GPR26: variants seen among roughly 807,000 people sequenced by gnomAD.
GPR26 encodes G protein-coupled receptor 26.
GPR26 carries 15 observed loss-of-function variants against 23.1 expected under a neutral mutation model. The ratio of observed to expected loss-of-function variants is 0.65; its 90% CI spans 0.43 to 1.00. GPR26 has a LOEUF of 1.00. GPR26 is among the 50% of genes least tolerant of loss of function. GPR26 has a pLI of 0.00. For missense variants in GPR26, 359 were observed against 470.5 expected, an observed-to-expected ratio of 0.76 and a Z score of 2.19; for synonymous variants, 228 against 222.1, an observed-to-expected ratio of 1.03 and a Z score of -0.24.
intron 1 of GPR26, among the ~76,000 whole-genome samples, chr10:123,667,579 G>A (rs1254200369): frequency 6.6e-6 from 1 of 150,402 alleles, no homozygotes; most frequent in Admixed American, 6.6e-5. Context: ...GTGTGTGTGT[G>A]TGTGTGTGTG....
intron 1 of GPR26, among the ~76,000 whole-genome samples, chr10:123,673,870 C>T (rs1271438718): frequency 3.3e-5 from 5 of 152,220 alleles, no homozygotes; most frequent in African/African-American, 9.6e-5. Flanking sequence ...ATCACTTGGC[C>T]TCACAGAGCT....
Position 123,688,128 on chromosome 10 carries a change from C to A in GPR26, c.982C>A (p.His328Asn), listed in dbSNP as rs978265298. The A allele has an allele frequency of 6.2e-7, 1 of 1,612,866 alleles. No individual in the cohort carries two copies. Among genetic ancestry groups the A allele is most frequent in the Non-Finnish European group, 8.5e-7 (1 of 1,179,534 alleles). Residue 328 changes from histidine to asparagine, a missense_variant, in exon 3 of 3, where the codon CAC becomes AAC. Coordinates refer to ENST00000284674, the MANE Select transcript of GPR26 (RefSeq NM_153442.4). ...IHSSGLTGDS[H>N]SQNILPVSE is the part of the protein sequence containing the mutation. ...CTCCTCTGGCCTCACAGGCGACTCTCACAGCCAGAACATTCTGCCGGTGTC... is the reference window on the plus strand; with the variant it reads ...CTCCTCTGGCCTCACAGGCGACTCTAACAGCCAGAACATTCTGCCGGTGTC...
rs113872065 is a variant in GPR26, at chr10:123,679,862, C to T, written c.782+4931C>T. Among the ~76,000 whole-genome samples, 1,002 of 152,262 alleles carry T rather than the reference C, an allele frequency of 6.6e-3. 13 individuals are homozygous for T. Among genetic ancestry groups the T allele is most frequent in the African/African-American group, 0.023 (967 of 41,554 alleles). ...CTACCCACTCCCAAGGCAGATCTCC[C>T]GAGGCTTGCTGAGCGAGTCATACTC... On this transcript the variant is annotated intron_variant, in intron 2 of 2. Coordinates refer to ENST00000284674, the MANE Select transcript of GPR26 (RefSeq NM_153442.4).
At chr10:123,685,263 C>T (rs1306290532) in intron 2 of GPR26, among the ~76,000 whole-genome samples, 1 of 152,182 alleles carries the variant, frequency 6.6e-6, no homozygotes. Context: ...TCTAAAAGGT[C>T]ATCTGGAAGG....
At position 123,666,609 on chromosome 10, in the gene GPR26, G is replaced by A. The variant is rs750100701; in HGVS notation, c.202G>A (p.Val68Met). Residue 68 changes from valine (V) to methionine (M), a missense_variant, in exon 1 of 3, where the codon GTG becomes ATG. Coordinates refer to ENST00000284674, the MANE Select transcript of GPR26 (RefSeq NM_153442.4). ...VNMPLTLAGV[V>M]AQRQPAGDRL... ...CATGCCGCTCACGCTGGCCGGCGTC[G>A]TGGCGCAGCGGCAGCCGGCGGGCGA... The A allele has an allele frequency of 6.3e-7, 1 of 1,590,928 alleles. No individual in the cohort carries two copies. The highest frequency in any genetic ancestry group is 8.5e-7 in the Non-Finnish European group (1 of 1,171,606).
In GPR26 at chr10:123,694,460, G is replaced by T. The variant is rs953896040; in HGVS notation, c.*6300G>T. ...CTTGAGGTTGGGAATATAAGAATTA[G>T]GTCTCTTTTAGAAAGAGAGGACATG... is the stretch of plus-strand genomic sequence containing the variant. On this transcript the variant is annotated 3_prime_UTR_variant, in exon 3 of 3. Coordinates refer to ENST00000284674, the MANE Select transcript of GPR26 (RefSeq NM_153442.4). 6.6e-6 allele frequency: 1 copy of T among 152,104 alleles called. No homozygotes were observed. 9.4% of individuals were successfully genotyped at this position (152,104 alleles called of 1,614,324 possible).
Position 123,690,439 on chromosome 10 carries a change from T to C in GPR26, c.*2279T>C, listed in dbSNP as rs1845479916. Reference sequence around the variant, plus strand: ...TGCTCTTTCTGCTTTCTCTGTACTGTATAGGCAACATGTTGTACTCCCAGT... The same window carrying C: ...TGCTCTTTCTGCTTTCTCTGTACTGCATAGGCAACATGTTGTACTCCCAGT... On this transcript the variant is annotated 3_prime_UTR_variant, in exon 3 of 3. Coordinates refer to ENST00000284674, the MANE Select transcript of GPR26 (RefSeq NM_153442.4). 6.6e-6 allele frequency: 1 copy of C among 152,230 alleles called. No individual in the cohort carries two copies. The highest frequency in any genetic ancestry group is 6.5e-5 in the Admixed American group (1 of 15,286). 9.4% of individuals were successfully genotyped at this position (152,230 alleles called of 1,614,324 possible).
intron 2 of GPR26, among the ~76,000 whole-genome samples, chr10:123,680,808 TTG>T (rs368049629): frequency 0.34 from 21,379 of 62,542 alleles, 2,887 homozygotes; most frequent in East Asian, 0.71. Flanking sequence ...TGGGTTTTTT[TTG>T]TTTTGTTTTG....
chr10:123,674,544 CA>C lies in GPR26; in HGVS notation c.669-270del. The stretch of plus-strand genomic sequence containing the variant: ...CTCTGTGCTTTATGCATTTAATTCT[CA>C]AAACAGCCTCTTGTAGCATTTTATT... On this transcript the variant is annotated intron_variant, in intron 1 of 2. Coordinates refer to ENST00000284674, the MANE Select transcript of GPR26 (RefSeq NM_153442.4). This position sits in a 1 kb window ranked among gnomAD's most constrained non-coding sequence, Gnocchi z 4.1. Among the ~76,000 whole-genome samples, 1 of 152,228 alleles carries C rather than the reference CA, an allele frequency of 6.6e-6. No individual in the cohort carries two copies. The highest frequency in any genetic ancestry group is 1.5e-5 in the Non-Finnish European group (1 of 68,050).
At position 123,680,815 on chromosome 10, in the gene GPR26, G is replaced by GT. The variant is rs1564732102; in HGVS notation, c.782+5888dup. Among the ~76,000 whole-genome samples the GT allele has an allele frequency of 4.1e-4, 17 of 41,064 alleles. 1 individual carries two copies. Among genetic ancestry groups the GT allele is most frequent in the African/African-American group, 1.4e-3 (12 of 8,668 alleles). The allele number at this position is 41,064 out of a possible 152,430, so 26.9% of individuals were successfully genotyped here. A position where few individuals can be genotyped will look rare whatever the true frequency, so the allele number is the denominator to read the frequency against. ...CATTCTCTTGGGTTTTTTTTGTTTT[G>GT]TTTTGTTTTTTTGGGGGGGGGGGTT... On this transcript the variant is annotated intron_variant, in intron 2 of 2. Coordinates refer to ENST00000284674, the MANE Select transcript of GPR26 (RefSeq NM_153442.4).
chr10:123,671,235 G>A (rs981472869), intron 1 of GPR26, among the ~76,000 whole-genome samples: 4 of 152,168 alleles, frequency 2.6e-5, no homozygotes, highest in African/African-American at 4.8e-5. Flanking sequence ...AGATCACCTC[G>A]TTGATTGACT....
Position 123,688,166 on chromosome 10 carries a change from C to A in GPR26, c.*6C>A. ...TTCTGCCGGTGTCTGAGTGAAGGAC[C>A]GCGCTCCTGCTGAAGAGTTTAGAAT... On this transcript the variant is annotated 3_prime_UTR_variant, in exon 3 of 3. Coordinates refer to ENST00000284674, the MANE Select transcript of GPR26 (RefSeq NM_153442.4). 1 of 1,521,050 alleles carries A rather than the reference C, an allele frequency of 6.6e-7. No individual in the cohort carries two copies. The highest frequency in any genetic ancestry group is 9.0e-7 in the Non-Finnish European group (1 of 1,112,630). The allele number at this position is 1,521,050 out of a possible 1,614,324, so 94.2% of individuals were successfully genotyped here. A position where few individuals can be genotyped will look rare whatever the true frequency, so the allele number is the denominator to read the frequency against.
At position 123,688,626 on chromosome 10, in the gene GPR26, CAT is replaced by C; in HGVS notation, c.*467_*468del. On this transcript the variant is annotated 3_prime_UTR_variant, in exon 3 of 3. Transcript: ENST00000284674. ...CAGTGGTCATTTGGCCCGGATCTAA[CAT>C]GGCACCTCGTCTCCACAGGGTAGTG... 1 of 186,230 alleles carries C rather than the reference CAT, an allele frequency of 5.4e-6. No homozygotes were observed. Among genetic ancestry groups the C allele is most frequent in the South Asian group, 1.2e-4 (1 of 8,270 alleles). 11.5% of individuals were successfully genotyped at this position (186,230 alleles called of 1,614,324 possible).
intron 1 of GPR26, among the ~76,000 whole-genome samples, chr10:123,670,644 T>A (rs998439512): frequency 6.6e-6 from 1 of 152,122 alleles, no homozygotes; most frequent in Non-Finnish European, 1.5e-5. Context: ...CCACCCCAGC[T>A]CTAACCAGCA....
chr10:123,675,101 T>C (rs1845290186), intron 2 of GPR26, among the ~76,000 whole-genome samples, 170 bp downstream of exon 2: 1 of 152,112 alleles, frequency 6.6e-6, no homozygotes, highest in Non-Finnish European at 1.5e-5. Flanking sequence ...GCTTTTCCTC[T>C]CCACCCTCGA....
chr10:123,688,468 C>G lies in GPR26; in HGVS notation c.*308C>G, dbSNP rs1845455195. ...GGATGACACTCAGTTCTGTCACTGTCAAGGATGCAGAGAGCTGGTGGTAGG... is the reference window on the plus strand; with the variant it reads ...GGATGACACTCAGTTCTGTCACTGTGAAGGATGCAGAGAGCTGGTGGTAGG... On this transcript the variant is annotated 3_prime_UTR_variant, in exon 3 of 3. Coordinates refer to ENST00000284674, the MANE Select transcript of GPR26 (RefSeq NM_153442.4). 8 of 379,808 alleles carry G rather than the reference C, an allele frequency of 2.1e-5. No individual in the cohort carries two copies. In the South Asian group the frequency reaches 2.2e-4, roughly 10 times the overall value. 23.5% of individuals were successfully genotyped at this position (379,808 alleles called of 1,614,324 possible). A position where few individuals can be genotyped will look rare whatever the true frequency, so the allele number is the denominator to read the frequency against.
chr10:123,687,871 G>A (rs541085424), intron 2 of GPR26, 58 bp from the exon 3 acceptor site: 102 of 1,239,014 alleles, frequency 8.2e-5, no homozygotes, highest in Non-Finnish European at 1.1e-4. Context: ...CTGGCCCATG[G>A]CCACTCCCAG....
chr10:123,685,033 C>G (rs369217032), intron 2 of GPR26, among the ~76,000 whole-genome samples: 1 of 152,186 alleles, frequency 6.6e-6, no homozygotes, highest in Non-Finnish European at 1.5e-5. Context: ...TCCCACGTCC[C>G]GTCCTGAGAC....
At chr10:123,669,055 T>C (rs1276260779) in intron 1 of GPR26, among the ~76,000 whole-genome samples, 1 of 152,174 alleles carries the variant, frequency 6.6e-6, no homozygotes, top group Non-Finnish European at 1.5e-5. Flanking sequence ...CCTCCATTCC[T>C]CTGGGAGGAC....
Sources: allele counts gnomAD v4.1 joint callset (sites outside exome capture counted in the v4.1 genomes callset), GRCh38; gene constraint gnomAD v4.1.1; non-coding constraint Gnocchi (gnomAD v3.1); transcripts MANE v1.5; gene names NCBI Gene and HGNC (gene_info 2026-07-23, HGNC 2026-07-21).